The following RARB variants were observed in gnomAD, a reference collection of about 807,000 sequenced individuals.
RARB encodes the protein retinoic acid receptor beta, also known as HBV-activated protein.
A neutral mutation model predicts 51.9 loss-of-function variants in RARB; 17 were observed. That is an observed-to-expected ratio of 0.33 (90% CI 0.22 to 0.49). The LOEUF (loss-of-function observed/expected upper bound fraction) is 0.49. RARB is among the 20% of genes least tolerant of loss of function. RARB has a pLI of 0.99. For missense variants in RARB, 369 were observed against 550.8 expected (o/e 0.67, Z 3.30); for synonymous variants, 215 against 195.4 (o/e 1.10, Z -0.84).
intron 2 of RARB, among the ~76,000 whole-genome samples, chr3:25,005,177 T>C (rs1344982326): frequency 2.0e-5 from 3 of 152,216 alleles, no homozygotes; most frequent in African/African-American, 7.2e-5. Flanking sequence ...GCCACTTCTC[T>C]TGAATGAAAT....
rs760188985 is a variant in RARB, at chr3:25,254,709, G to A, written c.178+80134G>A. 4.6e-5 allele frequency among the ~76,000 whole-genome samples: 7 copies of A among 152,012 alleles called. No individual in the cohort carries two copies. The South Asian group carries it at 6.2e-4, about 13-fold the overall frequency. ...AGGGAGGGTGCTGGATGACTTGGTC[G>A]GTCAGAGACTGTATCACAAAAAACT... On this transcript the variant is annotated intron_variant, in intron 5 of 11. Transcript: ENST00000383772.
At chr3:25,545,961 G>C (rs552672529) in intron 3 of RARB, among the ~76,000 whole-genome samples, 1 of 152,176 alleles carries the variant, frequency 6.6e-6, no homozygotes, top group Non-Finnish European at 1.5e-5. Context: ...TGATGAATTA[G>C]TTAAGGAAGG....
intron 1 of RARB, among the ~76,000 whole-genome samples, chr3:25,459,509 A>G (rs1233603133): frequency 6.6e-6 from 1 of 152,190 alleles, no homozygotes; most frequent in African/African-American, 2.4e-5. Context: ...AAACAGATGG[A>G]TTTTAACATT....
chr3:25,412,662 TGTATACAGCTTA>T (rs1256931256), intron 5 of RARB, among the ~76,000 whole-genome samples: 2 of 152,232 alleles, frequency 1.3e-5, no homozygotes, highest in Admixed American at 1.3e-4. Context: ...AAATCATAAA[TGTATACAGCTTA>T]GTTTTTACAA....
chr3:25,079,274 C>G (rs1490610630), intron 3 of RARB, among the ~76,000 whole-genome samples: 1 of 152,120 alleles, frequency 6.6e-6, no homozygotes, highest in Admixed American at 6.5e-5. Flanking sequence ...TAATAAATAT[C>G]TTAGCCCTTG....
intron 2 of RARB, among the ~76,000 whole-genome samples, chr3:25,003,055 T>A (rs905584533): frequency 1.3e-5 from 2 of 152,074 alleles, no homozygotes; most frequent in Non-Finnish European, 2.9e-5. Flanking sequence ...GAATATTCGG[T>A]CACTTCTGAA....
At chr3:25,413,805 G>T (rs1315872132) in intron 5 of RARB, among the ~76,000 whole-genome samples, 2 of 152,028 alleles carry the variant, frequency 1.3e-5, no homozygotes, top group Non-Finnish European at 2.9e-5. Context: ...CAACACACTG[G>T]CATGGTCTGC....
intron 5 of RARB, among the ~76,000 whole-genome samples, chr3:25,233,808 A>G (rs182168070): frequency 1.3e-5 from 2 of 150,912 alleles, no homozygotes; most frequent in East Asian, 3.9e-4. Flanking sequence ...AATTTTGTCT[A>G]ATAGTTTTTC....
At chr3:25,048,446 ATGT>A (rs1227272648) in intron 2 of RARB, among the ~76,000 whole-genome samples, 43 of 152,296 alleles carry the variant, frequency 2.8e-4, no homozygotes, top group Non-Finnish European at 3.1e-4. Flanking sequence ...TAAATGCAAA[ATGT>A]TGTCCTGTTT....
intron 2 of RARB, among the ~76,000 whole-genome samples, chr3:24,954,636 A>G (rs533384636): frequency 1.5e-3 from 224 of 152,304 alleles, no homozygotes; most frequent in African/African-American, 5.0e-3. Flanking sequence ...ACCCCATTAC[A>G]GAAAGGTGTG....
chr3:25,578,871 A>G (rs970700593), intron 4 of RARB, among the ~76,000 whole-genome samples: 1 of 152,244 alleles, frequency 6.6e-6, no homozygotes, highest in Non-Finnish European at 1.5e-5. Context: ...GGAACTAAAG[A>G]TATCAGTTTG....
rs1709184919 is a variant in RARB, at chr3:25,451,321, G to T, written c.158-9872G>T. ...GGGCTCAGAGAAATAAAACTCTATG[G>T]CCATTTGTAAGTGGCAGAAGAGAGA... On this transcript the variant is annotated intron_variant, in intron 1 of 7. Coordinates refer to ENST00000330688, the MANE Select transcript of RARB (RefSeq NM_000965.5). Among the ~76,000 whole-genome samples, 3 of 152,170 alleles carry T rather than the reference G, an allele frequency of 2.0e-5. No individual in the cohort carries two copies. In the South Asian group the frequency reaches 6.2e-4, roughly 32 times the overall value.
At chr3:25,531,331 A>T (rs1037868258) in intron 3 of RARB, among the ~76,000 whole-genome samples, 13 of 152,150 alleles carry the variant, frequency 8.5e-5, no homozygotes, top group African/African-American at 3.1e-4. Context: ...ACACTCTGAG[A>T]AAGTCAAGGC....
intron 5 of RARB, among the ~76,000 whole-genome samples, chr3:25,420,678 G>C (rs1382038920): frequency 6.6e-6 from 1 of 152,086 alleles, no homozygotes; most frequent in Non-Finnish European, 1.5e-5. Context: ...ATCACCTTTG[G>C]GGGTTTAGGT....
Position 25,208,310 on chromosome 3 carries a change from C to A in RARB, c.178+33735C>A, listed in dbSNP as rs9812030. On this transcript the variant is annotated intron_variant, in intron 5 of 11. Coordinates refer to the RARB transcript ENST00000383772. ...TTTCAATCAGGGGAACAAATTTTTTCTTATTCTAATATTCTGAAATTTTGA... is the reference window on the plus strand; with the variant it reads ...TTTCAATCAGGGGAACAAATTTTTTATTATTCTAATATTCTGAAATTTTGA... 4.8e-3 allele frequency among the ~76,000 whole-genome samples: 731 copies of A among 152,274 alleles called. 8 individuals are homozygous for A. The highest frequency in any genetic ancestry group is 0.016 in the African/African-American group (683 of 41,560).
intron 2 of RARB, among the ~76,000 whole-genome samples, chr3:25,036,688 A>G (rs1394029305): frequency 6.6e-6 from 1 of 152,114 alleles, no homozygotes; most frequent in Non-Finnish European, 1.5e-5. Context: ...GGTGCCAACA[A>G]TCTGAGTTAT....
intron 2 of RARB, among the ~76,000 whole-genome samples, chr3:24,882,953 T>C (rs901379655): frequency 1.3e-5 from 2 of 152,096 alleles, no homozygotes; most frequent in Non-Finnish European, 1.5e-5. Flanking sequence ...TTTCCTTATT[T>C]ATTCTCTTCT....
chr3:25,322,903 T>C (rs866010017), intron 5 of RARB, among the ~76,000 whole-genome samples: 22 of 152,188 alleles, frequency 1.4e-4, no homozygotes, highest in African/African-American at 3.4e-4. Flanking sequence ...CCCAAACTTA[T>C]TTGCTTAAAA....
At chr3:25,076,997 T>A (rs1412924048) in intron 3 of RARB, among the ~76,000 whole-genome samples, 1 of 152,208 alleles carries the variant, frequency 6.6e-6, no homozygotes, top group East Asian at 1.9e-4. Context: ...TTCCCAGTCT[T>A]TCAGATTTGT....
Sources: gnomAD v4.1 joint callset for allele counts (sites outside exome capture counted in the v4.1 genomes callset) on GRCh38, gnomAD v4.1.1 for gene constraint, MANE v1.5 for transcripts, NCBI Gene and HGNC (gene_info 2026-07-23, HGNC 2026-07-21) for gene names.